NFIB: variants seen among roughly 807,000 people sequenced by gnomAD.
The protein encoded by NFIB is nuclear factor I B, also known as nuclear factor 1 B-type.
Under a neutral mutation model 61.5 loss-of-function variants are expected in NFIB, and 11 were observed. The observed-to-expected ratio is 0.18, with a 90% confidence interval of 0.11 to 0.30. The LOEUF is 0.30. NFIB is among the 10% of genes least tolerant of loss of function. The pLI, the probability that NFIB is intolerant of heterozygous loss-of-function variation, is 1.00. For synonymous variants in NFIB, 260 were observed against 216.5 expected (o/e 1.20, Z -1.76); for missense variants, 471 against 608.9 (o/e 0.77, Z 2.38).
At chr9:14,401,813 A>T (rs2133054949), upstream of NFIB, among the ~76,000 whole-genome samples, 1 of 152,292 alleles carries the variant, frequency 6.6e-6, no homozygotes, top group African/African-American at 2.4e-5. Context: ...CATGAGTTAT[A>T]CAGAAATTCT....
chr9:14,306,190 T>G lies in NFIB; in HGVS notation c.562+799A>C, dbSNP rs569607588. On this transcript the variant is annotated intron_variant, in intron 2 of 10. Coordinates refer to ENST00000380953, the MANE Select transcript of NFIB (RefSeq NM_001190737.2). ...TGCAGTTTCTGTATTCTTTTTAAGA[T>G]TTATCTTAAACCAGTGTAACCAGTC... Among the ~76,000 whole-genome samples the G allele has an allele frequency of 6.6e-5, 10 of 152,288 alleles. No homozygotes were observed. The South Asian group carries it at 1.9e-3, about 28-fold the overall frequency.
At chr9:14,189,883 A>G (rs1258926895) in intron 2 of NFIB, among the ~76,000 whole-genome samples, 1 of 151,948 alleles carries the variant, frequency 6.6e-6, no homozygotes, top group African/African-American at 2.4e-5. Context: ...ACAAACTGCC[A>G]GTAATACCAA....
At chr9:14,327,574 GC>G (rs2060771127) in intron 1 of NFIB, among the ~76,000 whole-genome samples, 1 of 152,080 alleles carries the variant, frequency 6.6e-6, no homozygotes, top group African/African-American at 2.4e-5. Flanking sequence ...TGATATGAAG[GC>G]CTTCTATTCT....
At chr9:14,173,569 G>C (rs746072621) in intron 3 of NFIB, among the ~76,000 whole-genome samples, 2 of 152,092 alleles carry the variant, frequency 1.3e-5, no homozygotes, top group Non-Finnish European at 2.9e-5. Flanking sequence ...GCATACAATA[G>C]ATGCTCAATA....
intron 1 of NFIB, among the ~76,000 whole-genome samples, chr9:14,383,307 C>G (rs2061509436): frequency 1.3e-5 from 2 of 152,134 alleles, no homozygotes; most frequent in African/African-American, 4.8e-5. Flanking sequence ...TACTGAAATA[C>G]AGGTATATCC....
chr9:14,143,755 C>A (rs1352440419), intron 6 of NFIB, among the ~76,000 whole-genome samples: 1 of 152,100 alleles, frequency 6.6e-6, no homozygotes, highest in Non-Finnish European at 1.5e-5. Flanking sequence ...CCCTCCATCA[C>A]AGGGAAGTGT....
intron 2 of NFIB, among the ~76,000 whole-genome samples, chr9:14,265,353 G>A (rs1226607976): frequency 1.1e-4 from 16 of 152,200 alleles, no homozygotes; most frequent in African/African-American, 2.4e-5. Flanking sequence ...AAGCCTTTAC[G>A]GAGGTAATTA....
At chr9:14,370,510 G>T (rs1399108736) in intron 1 of NFIB, among the ~76,000 whole-genome samples, 1 of 152,198 alleles carries the variant, frequency 6.6e-6, no homozygotes, top group Non-Finnish European at 1.5e-5. Flanking sequence ...GAGAATGCTG[G>T]TCTAGCCCAC....
chr9:14,098,993 T>A (rs1300835307), intron 10 of NFIB, among the ~76,000 whole-genome samples: 1 of 152,192 alleles, frequency 6.6e-6, no homozygotes, highest in African/African-American at 2.4e-5. Flanking sequence ...TTGATTATAC[T>A]TGCACAGCTC....
chr9:14,350,921 C>G (rs1219075742), intron 1 of NFIB, among the ~76,000 whole-genome samples: 1 of 152,150 alleles, frequency 6.6e-6, no homozygotes, highest in African/African-American at 2.4e-5. Flanking sequence ...AGGAAGGAGA[C>G]CGCGGGGCAA....
intron 1 of NFIB, among the ~76,000 whole-genome samples, chr9:14,391,256 A>G (rs79944270): frequency 6.6e-6 from 1 of 152,064 alleles, no homozygotes; most frequent in Non-Finnish European, 1.5e-5. Context: ...AATCCTTTAT[A>G]TGATGTGATG....
At chr9:14,192,596 GAGA>G (rs2048065221) in intron 2 of NFIB, among the ~76,000 whole-genome samples, 1 of 152,174 alleles carries the variant, frequency 6.6e-6, no homozygotes, top group Non-Finnish European at 1.5e-5. Context: ...GGGAAGAAAG[GAGA>G]AGGAGAGGTA....
intron 2 of NFIB, among the ~76,000 whole-genome samples, chr9:14,184,020 C>G (rs1171294146): frequency 6.6e-6 from 1 of 152,154 alleles, no homozygotes; most frequent in Admixed American, 6.5e-5. Flanking sequence ...CATGCACGAC[C>G]CTTACCAACT....
At chr9:14,501,768 G>A in the NFIB span, among the ~76,000 whole-genome samples, 1 of 152,276 alleles carries the variant, frequency 6.6e-6, no homozygotes, top group East Asian at 1.9e-4. Flanking sequence ...AGAGCACGGA[G>A]GGCACTACGC....
chr9:14,425,227 T>C, the NFIB span, among the ~76,000 whole-genome samples: 1 of 152,166 alleles, frequency 6.6e-6, no homozygotes, highest in Non-Finnish European at 1.5e-5. Flanking sequence ...ATAGGTCTAG[T>C]GGTACTGCTC....
intron 1 of NFIB, among the ~76,000 whole-genome samples, chr9:14,381,073 CAAAAAAA>C (rs34848529): frequency 1.2e-5 from 1 of 82,562 alleles, no homozygotes; most frequent in African/African-American, 4.0e-5. Context: ...GACTCCGTCT[CAAAAAAA>C]AAAAAAAAAA....
chr9:14,098,471 A>G (rs967629283), intron 10 of NFIB, among the ~76,000 whole-genome samples: 10 of 152,202 alleles, frequency 6.6e-5, no homozygotes, highest in Non-Finnish European at 1.5e-4. Context: ...AATTATATTG[A>G]TCTTTCATAT....
chr9:14,241,887 C>A (rs1161761922), intron 2 of NFIB, among the ~76,000 whole-genome samples: 4 of 152,098 alleles, frequency 2.6e-5, no homozygotes, highest in Non-Finnish European at 4.4e-5. Flanking sequence ...ACAAAAATCC[C>A]AATTTGACTC....
In NFIB at chr9:14,313,593, T is replaced by A. The variant is rs2060395203; in HGVS notation, c.-82A>T. 1.2e-6 allele frequency: 2 copies of A among 1,608,880 alleles called. No homozygotes were observed. Among genetic ancestry groups the A allele is most frequent in the Non-Finnish European group, 1.7e-6 (2 of 1,177,464 alleles). On this transcript the variant is annotated 5_prime_UTR_variant, in exon 1 of 11. Transcript: ENST00000380953. This position sits in a 1 kb window ranked among gnomAD's most constrained non-coding sequence, Gnocchi z 4.5. ...AGAATTTCATCTATTCATTTTACAG[T>A]CATCTGAGCCCCGCGATGCGATCAA...
Sources: gnomAD v4.1 joint callset for allele counts (sites outside exome capture counted in the v4.1 genomes callset) on GRCh38, gnomAD v4.1.1 for gene constraint, Gnocchi (gnomAD v3.1) non-coding constraint, MANE v1.5 for transcripts, NCBI Gene and HGNC (gene_info 2026-07-23, HGNC 2026-07-21) for gene names.